Variants in SLC22A2 observed in about 807,000 individuals in gnomAD.
The protein encoded by SLC22A2 is organic cation transporter 2.
Under a neutral mutation model 60.5 loss-of-function variants are expected in SLC22A2, and 46 were observed. The ratio of observed to expected loss-of-function variants is 0.76; its 90% CI spans 0.60 to 0.97. The LOEUF (loss-of-function observed/expected upper bound fraction) is 0.97. SLC22A2 is among the 50% of genes least tolerant of loss of function. The pLI, the probability that SLC22A2 is intolerant of heterozygous loss-of-function variation, is 0.00. For missense variants in SLC22A2, 701 were observed against 706.6 expected (o/e 0.99, Z 0.09); for synonymous variants, 303 against 267.0 (o/e 1.13, Z -1.31).
intron 9 of SLC22A2, among the ~76,000 whole-genome samples, chr6:160,234,411 G>A (rs1271326305): frequency 6.6e-6 from 1 of 152,182 alleles, no homozygotes; most frequent in African/African-American, 2.4e-5. Context: ...CACCTGAACA[G>A]TGTTACTGTA....
At chr6:160,235,593 A>G (rs1468396754) in intron 9 of SLC22A2, among the ~76,000 whole-genome samples, 1 of 92,380 alleles carries the variant, frequency 1.1e-5, no homozygotes, top group Non-Finnish European at 2.4e-5. Context: ...ATGTAAAAGA[A>G]ATTCTGTGTG....
At position 160,249,341 on chromosome 6, in the gene SLC22A2, A is replaced by G; in HGVS notation, c.717T>C (p.Ile239=). 1 of 1,613,700 alleles carries G rather than the reference A, an allele frequency of 6.2e-7. No homozygotes were observed. Among genetic ancestry groups the G allele is most frequent in the Non-Finnish European group, 8.5e-7 (1 of 1,179,856 alleles). The change falls in exon 4 of 11, where the codon ATT becomes ATC. Residue 239 remains isoleucine, a synonymous_variant. Transcript: ENST00000366953. ...VGRRYRRTVG[I]FYQVAYTVGL... ...CAACTGTATAGGCAACTTGGTAAAA[A>G]ATCCCCACTGTTCTCCGATATCTCC...
At chr6:160,246,577 T>C (rs937177824) in intron 5 of SLC22A2, among the ~76,000 whole-genome samples, 1 of 152,002 alleles carries the variant, frequency 6.6e-6, no homozygotes, top group African/African-American at 2.4e-5. Context: ...CGAAACTCTG[T>C]CTCTACTAAA....
intron 4 of SLC22A2, among the ~76,000 whole-genome samples, chr6:160,247,651 G>A (rs1783116928): frequency 6.6e-6 from 1 of 152,212 alleles, no homozygotes. Context: ...CCATTGTGGG[G>A]GTGGGGAGCA....
In SLC22A2 at chr6:160,258,438, A is replaced by C; in HGVS notation, c.320T>G (p.Leu107Arg). Residue 107 changes from leucine (L) to arginine (R), a missense_variant, in exon 1 of 11, where the codon CTG becomes CGG. By Grantham distance (102) the Leu-to-Arg change is moderately radical. Coordinates refer to ENST00000366953, the MANE Select transcript of SLC22A2 (RefSeq NM_003058.4). ...GCTCCTGTTGGTGTCCAGGCTGGCC[A>C]GGGGGTCCACGCAGTCGAAGGTGCT... ...NQSTFDCVDP[L>R]ASLDTNRSRL... 1 of 1,614,064 alleles carries C rather than the reference A, an allele frequency of 6.2e-7. No individual in the cohort carries two copies. Among genetic ancestry groups the C allele is most frequent in the Non-Finnish European group, 8.5e-7 (1 of 1,179,994 alleles).
rs116160811 is a variant in SLC22A2, at chr6:160,218,074, T to C, written c.1602-576A>G. The C allele has an allele frequency of 3.7e-3, 649 of 173,268 alleles. 3 individuals are homozygous for C. The highest frequency in any genetic ancestry group is 0.012 in the African/African-American group (510 of 41,722). 10.7% of individuals were successfully genotyped at this position (173,268 alleles called of 1,614,324 possible). On this transcript the variant is annotated intron_variant, in intron 10 of 10. Transcript: ENST00000366953. ...GGACCTGTTCCTGTTTATAGCAATATTGAATCAGCTGTGGGCTGCTCCCAG... is the reference window on the plus strand; with the variant it reads ...GGACCTGTTCCTGTTTATAGCAATACTGAATCAGCTGTGGGCTGCTCCCAG...
intron 6 of SLC22A2, chr6:160,244,588 T>C (rs2114865180): frequency 6.6e-6 from 1 of 152,308 alleles, no homozygotes; most frequent in East Asian, 1.9e-4. Flanking sequence ...ATGTTTCTAG[T>C]TTATTAACTA....
At position 160,241,537 on chromosome 6, in the gene SLC22A2, T is replaced by C; in HGVS notation, c.1438A>G (p.Ile480Val). The change falls in exon 9 of 11, where the codon ATC (isoleucine) becomes GTC (valine). Residue 480 changes from isoleucine to valine, a missense_variant. By Grantham distance (29) the Ile-to-Val change is conservative (BLOSUM62 3). Coordinates refer to ENST00000366953, the MANE Select transcript of SLC22A2 (RefSeq NM_003058.4). ...CSSMCDIGGI[I>V]TPFLVYRLTN... ...AGCCGGTAGACCAGGAATGGCGTGA[T>C]GATGCCACCAATGTCACACATTGAG... The C allele has an allele frequency of 6.2e-7, 1 of 1,613,848 alleles. No homozygotes were observed. Among genetic ancestry groups the C allele is most frequent in the Non-Finnish European group, 8.5e-7 (1 of 1,179,790 alleles).
chr6:160,229,412 C>T (rs949040014), intron 9 of SLC22A2, among the ~76,000 whole-genome samples: 3 of 151,944 alleles, frequency 2.0e-5, no homozygotes, highest in Non-Finnish European at 4.4e-5. Context: ...GGATGCCTGC[C>T]TGATTATTTA....
chr6:160,246,655 G>A (rs1234747160), intron 5 of SLC22A2, among the ~76,000 whole-genome samples: 1 of 152,180 alleles, frequency 6.6e-6, no homozygotes, highest in Non-Finnish European at 1.5e-5. Flanking sequence ...GCTGAAGCAG[G>A]AGAATCGCTT....
intron 10 of SLC22A2, chr6:160,218,035 C>T (rs1207970464): frequency 6.2e-6 from 1 of 162,072 alleles, no homozygotes; most frequent in Non-Finnish European, 1.3e-5. Flanking sequence ...TTGTTGTTCC[C>T]AGCCATGCCC....
chr6:160,224,411 A>G (rs1052293478), intron 10 of SLC22A2, among the ~76,000 whole-genome samples: 4 of 152,024 alleles, frequency 2.6e-5, no homozygotes, highest in African/African-American at 9.7e-5. Flanking sequence ...GTAGTTGTTT[A>G]ACGCAGAATA....
At chr6:160,256,172 G>GA (rs994182719) in intron 2 of SLC22A2, among the ~76,000 whole-genome samples, 1 of 152,006 alleles carries the variant, frequency 6.6e-6, no homozygotes, top group African/African-American at 2.4e-5. Context: ...GGGTATTAGG[G>GA]AGATTCTACA....
intron 6 of SLC22A2, 83 bp from the exon 7 acceptor site, chr6:160,243,869 G>C (rs1042236155): frequency 2.2e-6 from 2 of 912,736 alleles, no homozygotes; most frequent in Non-Finnish European, 3.5e-6. Context: ...AAATAATGTG[G>C]ATTGTAGGTC....
chr6:160,232,378 T>C (rs1012876368), intron 9 of SLC22A2, among the ~76,000 whole-genome samples: 1 of 151,888 alleles, frequency 6.6e-6, no homozygotes, highest in Non-Finnish European at 1.5e-5. Flanking sequence ...ACATCTATCA[T>C]TGAGGCTACC....
In SLC22A2 at chr6:160,237,531, G is replaced by C. The variant is rs1782929956; in HGVS notation, c.1501+3943C>G. 2.0e-5 allele frequency among the ~76,000 whole-genome samples: 3 copies of C among 152,226 alleles called. No individual in the cohort carries two copies. In the South Asian group the frequency reaches 6.2e-4, roughly 32 times the overall value. ...TTCTGACTGAGCTCCTCTCTACCCTGAATACAAGAGACCCTAATACTTAAT... is the reference window on the plus strand; with the variant it reads ...TTCTGACTGAGCTCCTCTCTACCCTCAATACAAGAGACCCTAATACTTAAT... On this transcript the variant is annotated intron_variant, in intron 9 of 10. Transcript: ENST00000366953.
At chr6:160,227,904 C>A (rs371811703) in intron 9 of SLC22A2, among the ~76,000 whole-genome samples, 2 of 152,210 alleles carry the variant, frequency 1.3e-5, no homozygotes, top group African/African-American at 4.8e-5. Context: ...TTCATTGCTA[C>A]ACTCCCACCA....
intron 10 of SLC22A2, chr6:160,217,828 C>T (rs189054177): frequency 8.6e-4 from 158 of 184,536 alleles, no homozygotes; most frequent in African/African-American, 3.6e-3. Context: ...ATGAAGATTG[C>T]AAAATCTTGT....
At chr6:160,234,417 C>A (rs1392846871) in intron 9 of SLC22A2, among the ~76,000 whole-genome samples, 2 of 152,220 alleles carry the variant, frequency 1.3e-5, no homozygotes, top group African/African-American at 4.8e-5. Context: ...AACAGTGTTA[C>A]TGTAATGGGT....
Sources: gnomAD v4.1 joint callset for allele counts (sites outside exome capture counted in the v4.1 genomes callset) on GRCh38, gnomAD v4.1.1 for gene constraint, MANE v1.5 for transcripts, NCBI Gene and HGNC (gene_info 2026-07-23, HGNC 2026-07-21) for gene names.